MED25: variants seen among roughly 807,000 people sequenced by gnomAD.
The protein encoded by MED25 is mediator complex subunit 25.
MED25 carries 62 observed loss-of-function variants against 89.4 expected under a neutral mutation model. The ratio of observed to expected loss-of-function variants is 0.69; its 90% CI spans 0.57 to 0.86. The LOEUF (loss-of-function observed/expected upper bound fraction) is 0.86. Among genes scored for constraint, MED25 ranks in the 40% least tolerant of loss-of-function variants. The pLI, the probability that MED25 is intolerant of heterozygous loss-of-function variation, is 0.00. For missense variants in MED25, 905 were observed against 1,005.2 expected, an observed-to-expected ratio of 0.90 and a Z score of 1.35; for synonymous variants, 449 against 427.9, an observed-to-expected ratio of 1.05 and a Z score of -0.61.
Position 49,836,102 on chromosome 19 carries a change from A to G in MED25, c.1966-124A>G. 1 of 1,513,716 alleles carries G rather than the reference A, an allele frequency of 6.6e-7. No homozygotes were observed. Among genetic ancestry groups the G allele is most frequent in the South Asian group, 1.2e-5 (1 of 84,332 alleles). The allele number at this position is 1,513,716 out of a possible 1,614,324, so 93.8% of individuals were successfully genotyped here. ...AAGGCAGACCGCCTCCTCTCCGTCC[A>G]TCCCCCACCTTTGAAGAAAAACTTC... is the stretch of plus-strand genomic sequence containing the variant. On this transcript the variant is annotated intron_variant, in intron 16 of 17. Transcript: ENST00000312865. This position sits in a 1 kb window ranked among gnomAD's most constrained non-coding sequence, Gnocchi z 5.1.
Position 49,835,005 on chromosome 19 carries a change from C to G in MED25, c.1502C>G (p.Pro501Arg). Residue 501 changes from proline (P) to arginine (R), a missense_variant, in exon 14 of 18, where the codon CCC (proline) becomes CGC (arginine). Pro to Arg is a moderately radical substitution (Grantham distance 103, BLOSUM62 -2). Transcript: ENST00000312865. This position sits in a 1 kb window ranked among gnomAD's most constrained non-coding sequence, Gnocchi z 6.2. ...ACCCAGGCGGGCTGCGTGCACTTCC[C>G]CCACACGGCGCCCTGTGAGGTGCGC... is the stretch of plus-strand genomic sequence containing the variant. ...GNGFAGCVHF[P>R]HTAPCEVRVL... The G allele has an allele frequency of 6.2e-7, 1 of 1,614,094 alleles. No individual in the cohort carries two copies. Among genetic ancestry groups the G allele is most frequent in the Non-Finnish European group, 8.5e-7 (1 of 1,180,002 alleles).
chr19:49,826,212 G>A (rs2074014440), intron 3 of MED25, among the ~76,000 whole-genome samples: 1 of 152,104 alleles, frequency 6.6e-6, no homozygotes. Flanking sequence ...GTGGTGGCGG[G>A]CACCTGTGGT....
At chr19:49,838,993 T>C (rs2074117622), downstream of MED25, 1 of 345,430 alleles carries the variant, frequency 2.9e-6, no homozygotes, top group East Asian at 7.6e-5. Context: ...AGACCGTTAT[T>C]TAAGTCTAAC....
Position 49,818,370 on chromosome 19 carries a change from G to A in MED25, c.29G>A (p.Arg10His). The A allele has an allele frequency of 6.2e-7, 1 of 1,608,594 alleles. No homozygotes were observed. Among genetic ancestry groups the A allele is most frequent in the Middle Eastern group, 1.7e-4 (1 of 5,998 alleles). MVPGSEGPA[R>H]AGSVVADVVF... ...GTCCCCGGGTCCGAGGGCCCGGCCC[G>A]CGCCGGGAGCGTGGTGGCCGACGTG... The change falls in exon 1 of 18, where the codon CGC becomes CAC. Residue 10 changes from arginine to histidine, a missense_variant. Around this residue, in one of 3 missense-constraint regions of MED25, gnomAD observed 501 missense variants for 526.9 expected, o/e 0.95. Coordinates refer to ENST00000312865, the MANE Select transcript of MED25 (RefSeq NM_030973.4).
intron 3 of MED25, among the ~76,000 whole-genome samples, chr19:49,823,571 G>T (rs918853629): frequency 2.6e-5 from 4 of 152,182 alleles, no homozygotes; most frequent in African/African-American, 7.2e-5. Context: ...GTTGCTTGCT[G>T]TGTGTCGCTT....
rs1295606741 is a variant in MED25 at position 49,830,636 on chromosome 19, C to G, written c.907+38C>G. The G allele has an allele frequency of 6.8e-6, 11 of 1,612,926 alleles. No homozygotes were observed. The highest frequency in any genetic ancestry group is 8.5e-6 in the Non-Finnish European group (10 of 1,178,892). On this transcript the variant is annotated intron_variant, in intron 8 of 17. Transcript: ENST00000312865. The surrounding 1 kb of genome is among the most constrained non-coding windows in gnomAD (Gnocchi z 4.6). ...GTGAGGATGAAGGGCGGGCAGGGGCCAGGCAGGCCTCTCTCCACACACTTG... is the reference window on the plus strand; with the variant it reads ...GTGAGGATGAAGGGCGGGCAGGGGCGAGGCAGGCCTCTCTCCACACACTTG...
chr19:49,827,914 C>T (rs1414930028), intron 3 of MED25, among the ~76,000 whole-genome samples: 2 of 152,098 alleles, frequency 1.3e-5, no homozygotes, highest in African/African-American at 4.8e-5. Context: ...TTCCCATTCC[C>T]TCCCAGTCCT....
rs1600327761 is a variant in MED25, at chr19:49,832,321, C to A, written c.1388C>A (p.Pro463His). ...TGTCTCCCGCAGACCACCCTGGGCC[C>A]TTTGTTCCGGAACTCAAGGATGGTC... is the stretch of plus-strand genomic sequence containing the variant. ...IPQQLLTTLG[P>H]LFRNSRMVQF... The change falls in exon 13 of 18, where the codon CCT becomes CAT. Residue 463 changes from proline to histidine, a missense_variant. Physicochemically the swap from Pro to His is moderately conservative, Grantham distance 77. This residue lies in a region of MED25 where 133 missense variants were observed against 220.2 expected (regional missense o/e 0.60). Transcript: ENST00000312865. The A allele has an allele frequency of 1.9e-6, 3 of 1,607,900 alleles. No homozygotes were observed. The highest frequency in any genetic ancestry group is 2.7e-5 in the African/African-American group (2 of 74,970).
rs1055260585 is a variant in MED25 at position 49,818,439 on chromosome 19, A to G, written c.98A>G (p.Glu33Gly). ...ACGGCCAACCTGGGACCCTACTTCG[A>G]GGGGCTCCGCAAGCACTACCTGCTC... ...EGTANLGPYF[E>G]GLRKHYLLPA... Residue 33 changes from glutamate (E) to glycine (G), a missense_variant, in exon 1 of 18, where the codon GAG becomes GGG. Coordinates refer to ENST00000312865, the MANE Select transcript of MED25 (RefSeq NM_030973.4). 15 of 1,613,880 alleles carry G rather than the reference A, an allele frequency of 9.3e-6. No individual in the cohort carries two copies. Among genetic ancestry groups the G allele is most frequent in the Admixed American group, 5.0e-5 (3 of 59,996 alleles).
Position 49,834,885 on chromosome 19 carries a change from C to T in MED25, c.1483-101C>T, listed in dbSNP as rs1460780126. 8 of 1,233,766 alleles carry T rather than the reference C, an allele frequency of 6.5e-6. No homozygotes were observed. In the Admixed American group the frequency reaches 1.4e-4, roughly 21 times the overall value. The allele number at this position is 1,233,766 out of a possible 1,614,324, so 76.4% of individuals were successfully genotyped here. A position where few individuals can be genotyped will look rare whatever the true frequency, so the allele number is the denominator to read the frequency against. On this transcript the variant is annotated intron_variant, in intron 13 of 17. Transcript: ENST00000312865. This position sits in a 1 kb window ranked among gnomAD's most constrained non-coding sequence, Gnocchi z 4.1. ...ACCTTCTATAGCAGAAACCTCACCT[C>T]ACCTTGCCTGTGGGGCCTCTAGAGC...
intron 3 of MED25, among the ~76,000 whole-genome samples, chr19:49,826,754 T>C (rs1600320892): frequency 6.6e-6 from 1 of 152,012 alleles, no homozygotes; most frequent in African/African-American, 2.4e-5. Context: ...CCAGGATGGG[T>C]GTCGTAGTTT....
chr19:49,828,678 C>T, intron 4 of MED25, 131 bp downstream of exon 4: 6 of 938,964 alleles, frequency 6.4e-6, no homozygotes, highest in Non-Finnish European at 1.0e-5. Context: ...GCACGCTGAG[C>T]CAGGAGGCTG....
chr19:49,837,038 C>A (rs576974298), downstream of MED25: 8 of 1,004,620 alleles, frequency 8.0e-6, no homozygotes, highest in African/African-American at 1.3e-4. Context: ...CCCCAGGGGG[C>A]ATCTCTGTCC....
chr19:49,838,904 G>A (rs1351541384), downstream of MED25: 1 of 383,518 alleles, frequency 2.6e-6, no homozygotes, highest in Non-Finnish European at 5.2e-6. Context: ...AGAATGACCT[G>A]GGCATTCAGA....
Position 49,830,921 on chromosome 19 carries a change from TCCTC to T in MED25, c.1101+36_1101+39del. 6.3e-7 allele frequency: 1 copy of T among 1,592,238 alleles called. No individual in the cohort carries two copies. Among genetic ancestry groups the T allele is most frequent in the Non-Finnish European group, 8.5e-7 (1 of 1,170,026 alleles). On this transcript the variant is annotated intron_variant, in intron 9 of 17. Transcript: ENST00000312865. This position sits in a 1 kb window ranked among gnomAD's most constrained non-coding sequence, Gnocchi z 4.6. ...CTGCACGCCTCCTGCCCCTGCTCCT[TCCTC>T]CTGCTGTCCACAGCTAGGACAGTTA...
downstream of MED25, among the ~76,000 whole-genome samples, chr19:49,837,630 G>A (rs925786126): frequency 1.3e-5 from 2 of 152,140 alleles, no homozygotes; most frequent in African/African-American, 2.4e-5. Flanking sequence ...GCGGTGTCGG[G>A]GGCTGGGGTA....
At chr19:49,819,707 T>C in intron 3 of MED25, 2 of 339,302 alleles carry the variant, frequency 5.9e-6, no homozygotes, top group South Asian at 4.8e-5. Flanking sequence ...GATTGTCCCC[T>C]TTCTGTCCTC....
At chr19:49,818,524 G>T (rs780384675) in intron 1 of MED25, 47 bp from the exon 2 acceptor site, 5 of 1,614,062 alleles carry the variant, frequency 3.1e-6, no homozygotes, top group Middle Eastern at 1.6e-4. Flanking sequence ...CTTCAGTTTC[G>T]CACAGTTTCT....
intron 3 of MED25, among the ~76,000 whole-genome samples, chr19:49,820,323 G>A (rs2073973500): frequency 6.6e-6 from 1 of 152,180 alleles, no homozygotes; most frequent in Admixed American, 6.5e-5. Context: ...CAGGGATACA[G>A]AGGCAGAACA....
Sources: gnomAD v4.1 joint callset for allele counts (sites outside exome capture counted in the v4.1 genomes callset) on GRCh38, gnomAD v4.1.1 for gene constraint, gnomAD v4.1.1 regional missense constraint, Gnocchi (gnomAD v3.1) non-coding constraint, MANE v1.5 for transcripts, NCBI Gene and HGNC (gene_info 2026-07-23, HGNC 2026-07-21) for gene names.